Variants in TP63 observed in about 807,000 individuals in gnomAD.
TP63 encodes tumor protein p63, also known as tumor protein 63.
TP63 carries 17 observed loss-of-function variants against 82.8 expected under a neutral mutation model. The ratio of observed to expected loss-of-function variants is 0.21; its 90% CI spans 0.14 to 0.31. TP63 has a LOEUF of 0.31. Ranked by LOEUF, TP63 falls within the 10% of genes least tolerant of loss-of-function variation. The pLI is 1.00. For missense variants in TP63, 648 were observed against 895.3 expected (o/e 0.72, Z 3.52); for synonymous variants, 330 against 321.7 (o/e 1.03, Z -0.28).
chr3:189,672,528 G>A (rs1714978012), intron 1 of TP63, among the ~76,000 whole-genome samples: 1 of 151,822 alleles, frequency 6.6e-6, no homozygotes, highest in African/African-American at 2.4e-5. Flanking sequence ...CTTGAACCTG[G>A]CAGGGGAAGG....
chr3:189,722,340 G>A (rs1030999906), intron 1 of TP63, among the ~76,000 whole-genome samples: 4 of 152,218 alleles, frequency 2.6e-5, no homozygotes, highest in African/African-American at 9.6e-5. Flanking sequence ...TAAGGGAGCA[G>A]CCTTAGAAGG....
chr3:189,605,912 A>G, the TP63 span, among the ~76,000 whole-genome samples: 1 of 152,200 alleles, frequency 6.6e-6, no homozygotes, highest in African/African-American at 2.4e-5. Flanking sequence ...TCATAGTTTC[A>G]AAGGGCAGAA....
rs2108873353 is a variant in TP63, at chr3:189,894,275, C to T, written c.1816C>T (p.Gln606Ter). The change falls in exon 14 of 14, where the codon CAG becomes TAG. Residue 606 changes from glutamine to a stop codon, truncating the protein, a stop_gained. Transcript: ENST00000264731. LOFTEE classifies it high-confidence loss of function. ...AIWKGILDHR[Q>*]LHEFSSPSHL... is the part of the protein sequence containing the mutation. Reference sequence around the variant, plus strand: ...CTGGAAGGGCATCCTGGACCACCGGCAGCTCCACGAATTCTCCTCCCCTTC... The same window carrying T: ...CTGGAAGGGCATCCTGGACCACCGGTAGCTCCACGAATTCTCCTCCCCTTC... 1 of 1,614,136 alleles carries T rather than the reference C, an allele frequency of 6.2e-7. No homozygotes were observed. Among genetic ancestry groups the T allele is most frequent in the East Asian group, 2.2e-5 (1 of 44,856 alleles).
At chr3:189,649,882 A>G (rs1020872852) in intron 1 of TP63, among the ~76,000 whole-genome samples, 1 of 146,794 alleles carries the variant, frequency 6.8e-6, no homozygotes, top group Admixed American at 6.7e-5. Flanking sequence ...TGTGACGTGT[A>G]GGTAAAAGTA....
intron 1 of TP63, 82 bp from the exon 2 acceptor site, chr3:189,737,658 A>G (rs1720693195): frequency 9.4e-6 from 14 of 1,497,108 alleles, no homozygotes; most frequent in Middle Eastern, 3.5e-4. Flanking sequence ...TGATGTTTTC[A>G]TGATAGAGTA....
At chr3:189,789,822 G>C in intron 3 of TP63, 1 of 1,597,662 alleles carries the variant, frequency 6.3e-7, no homozygotes, top group Non-Finnish European at 8.5e-7. Context: ...GGAAAACAAT[G>C]CCCAGACTCA....
intron 1 of TP63, among the ~76,000 whole-genome samples, chr3:189,737,117 G>A (rs937394718): frequency 3.7e-4 from 56 of 152,112 alleles, no homozygotes; most frequent in African/African-American, 1.3e-3. Flanking sequence ...AGTCTAACAT[G>A]CAATTCTACA....
chr3:189,684,460 A>G (rs1716246484), intron 1 of TP63, among the ~76,000 whole-genome samples: 1 of 152,186 alleles, frequency 6.6e-6, no homozygotes, highest in Admixed American at 6.5e-5. Flanking sequence ...GCATGTAAGT[A>G]TGCGTAAAAG....
intron 1 of TP63, among the ~76,000 whole-genome samples, 193 bp downstream of exon 1, chr3:189,631,770 T>C (rs1729474671): frequency 6.6e-6 from 1 of 152,086 alleles, no homozygotes; most frequent in Non-Finnish European, 1.5e-5. Context: ...GATATTTGGA[T>C]CTACAAAGTG....
At chr3:189,599,437 T>C in the TP63 span, among the ~76,000 whole-genome samples, 1 of 152,296 alleles carries the variant, frequency 6.6e-6, no homozygotes, top group East Asian at 1.9e-4. Context: ...TCAGAGACTC[T>C]TTCTGTTTTT....
At chr3:189,894,098 A>T (rs749504837) in intron 13 of TP63, 108 bp from the exon 14 acceptor site, 1 of 1,377,612 alleles carries the variant, frequency 7.3e-7, no homozygotes. Flanking sequence ...GGATCAATAG[A>T]TTCAGATCAA....
intron 12 of TP63, among the ~76,000 whole-genome samples, chr3:189,890,259 C>G (rs1227344444): frequency 3.3e-5 from 5 of 152,170 alleles, no homozygotes; most frequent in African/African-American, 4.8e-5. Flanking sequence ...GTGGCATCAT[C>G]ATCAGTCTCA....
chr3:189,713,109 CAGAT>C (rs1458808753), intron 1 of TP63, among the ~76,000 whole-genome samples: 2 of 152,246 alleles, frequency 1.3e-5, no homozygotes, highest in African/African-American at 2.4e-5. Flanking sequence ...GGCTTATGGT[CAGAT>C]AGATTGAGAT....
At chr3:189,830,600 C>T (rs1363961778) in intron 4 of TP63, among the ~76,000 whole-genome samples, 1 of 152,148 alleles carries the variant, frequency 6.6e-6, no homozygotes, top group Non-Finnish European at 1.5e-5. Context: ...TTTCTGTTTA[C>T]ATAACACGCA....
At chr3:189,608,361 A>G in the TP63 span, among the ~76,000 whole-genome samples, 1 of 152,150 alleles carries the variant, frequency 6.6e-6, no homozygotes, top group South Asian at 2.1e-4. Context: ...CTGTCATCAG[A>G]GTTCTAGAAT....
chr3:189,620,984 A>T, the TP63 span, among the ~76,000 whole-genome samples: 4 of 152,332 alleles, frequency 2.6e-5, no homozygotes, highest in Admixed American at 6.5e-5. Flanking sequence ...ACACCTTTGA[A>T]AGAAAATGGC....
chr3:189,660,294 T>A (rs9865635), intron 1 of TP63, among the ~76,000 whole-genome samples: 1 of 151,880 alleles, frequency 6.6e-6, no homozygotes, highest in Admixed American at 6.6e-5. Context: ...GCACCATTGA[T>A]TGACTATGGA....
chr3:189,865,343 AT>A (rs1302121027), intron 5 of TP63, among the ~76,000 whole-genome samples: 4 of 152,250 alleles, frequency 2.6e-5, no homozygotes, highest in African/African-American at 9.6e-5. Flanking sequence ...CGCTATATCC[AT>A]GAATAAGTCA....
At chr3:189,839,058 A>AG (rs1314524574) in intron 4 of TP63, among the ~76,000 whole-genome samples, 4 of 149,516 alleles carry the variant, frequency 2.7e-5, no homozygotes, top group African/African-American at 9.7e-5. Flanking sequence ...AAAAAAAAAA[A>AG]AAAAAAGAAA....
Sources: allele counts gnomAD v4.1 joint callset (sites outside exome capture counted in the v4.1 genomes callset), GRCh38; gene constraint gnomAD v4.1.1; transcripts MANE v1.5; gene names NCBI Gene and HGNC (gene_info 2026-07-23, HGNC 2026-07-21).